SNRPC: variants seen among roughly 807,000 people sequenced by gnomAD.
The protein encoded by SNRPC is U1 small nuclear ribonucleoprotein C.
In SNRPC, 5 loss-of-function variants were observed where a neutral mutation model predicts 20.0. That is an observed-to-expected ratio of 0.25 (90% CI 0.13 to 0.53). The LOEUF (loss-of-function observed/expected upper bound fraction) is 0.53, where lower values mean the gene tolerates loss of function less well. SNRPC is among the 20% of genes least tolerant of loss of function. SNRPC has a pLI of 0.96. For missense variants in SNRPC, 112 were observed against 224.1 expected (o/e 0.50, Z 3.19); for synonymous variants, 61 against 58.7 (o/e 1.04, Z -0.18).
intron 3 of SNRPC, among the ~76,000 whole-genome samples, chr6:34,763,489 C>G (rs539966867): frequency 1.3e-5 from 2 of 151,896 alleles, no homozygotes; most frequent in East Asian, 3.9e-4. Flanking sequence ...GGAGACCATC[C>G]TGGCCAAATG....
intron 1 of SNRPC, 66 bp from the exon 2 acceptor site, chr6:34,757,846 C>G: frequency 6.2e-7 from 1 of 1,611,638 alleles, no homozygotes; most frequent in Non-Finnish European, 8.5e-7. Context: ...CTTCCATGAA[C>G]AGCGCTTCCG....
chr6:34,768,950 C>G (rs1162475865), intron 4 of SNRPC, among the ~76,000 whole-genome samples: 1 of 151,800 alleles, frequency 6.6e-6, no homozygotes, highest in Non-Finnish European at 1.5e-5. Context: ...CATTCAGGAC[C>G]TAGACTCAAT....
intron 1 of SNRPC, 158 bp from the exon 2 acceptor site, chr6:34,757,754 C>A: frequency 2.6e-6 from 4 of 1,552,406 alleles, no homozygotes; most frequent in Middle Eastern, 1.7e-4. Flanking sequence ...AAAAAAAAGC[C>A]TGGTTTATGT....
chr6:34,763,961 C>T (rs374759876), intron 3 of SNRPC, among the ~76,000 whole-genome samples: 24 of 150,092 alleles, frequency 1.6e-4, no homozygotes, highest in African/African-American at 3.9e-4. Context: ...GTGATCCACC[C>T]GCCTCGGCCT....
intron 4 of SNRPC, 61 bp from the exon 5 acceptor site, chr6:34,770,230 A>C (rs1764669381): frequency 4.0e-6 from 5 of 1,242,246 alleles, no homozygotes; most frequent in Non-Finnish European, 5.9e-6. Flanking sequence ...CTCAAAAAAA[A>C]AGAAGAGAAA....
At chr6:34,765,913 A>G (rs1764607715) in intron 3 of SNRPC, among the ~76,000 whole-genome samples, 1 of 149,570 alleles carries the variant, frequency 6.7e-6, no homozygotes, top group Admixed American at 6.7e-5. Context: ...TAATTTTGTA[A>G]AATTTTTTAT....
chr6:34,759,604 T>C (rs1179716177), intron 2 of SNRPC, among the ~76,000 whole-genome samples: 2 of 152,206 alleles, frequency 1.3e-5, no homozygotes, highest in African/African-American at 4.8e-5. Flanking sequence ...GGCTTTTTTT[T>C]CCCCCATGAG....
chr6:34,765,093 C>T (rs1370224060), intron 3 of SNRPC, among the ~76,000 whole-genome samples: 1 of 152,122 alleles, frequency 6.6e-6, no homozygotes, highest in Non-Finnish European at 1.5e-5. Flanking sequence ...CATTGCTCAG[C>T]TGTAGCACTC....
Position 34,762,588 on chromosome 6 carries a change from T to G in SNRPC, c.52-7T>G. On this transcript the variant is annotated splice_polypyrimidine_tract_variant and splice_region_variant and intron_variant, in intron 2 of 5. Transcript: ENST00000244520. ...TCTACGTCTGATATGATCTTTTTAT[T>G]TTACAGCCATCTGTGAGAAAGACAC... 1 of 1,465,708 alleles carries G rather than the reference T, an allele frequency of 6.8e-7. No individual in the cohort carries two copies. Among genetic ancestry groups the G allele is most frequent in the Non-Finnish European group, 9.6e-7 (1 of 1,047,098 alleles). 90.8% of individuals were successfully genotyped at this position (1,465,708 alleles called of 1,614,324 possible).
At chr6:34,770,240 A>T (rs1183580816) in intron 4 of SNRPC, 51 bp from the exon 5 acceptor site, 2 of 1,288,430 alleles carry the variant, frequency 1.6e-6, no homozygotes, top group Admixed American at 3.5e-5. Flanking sequence ...AAGAAGAGAA[A>T]ATGTTAATAT....
chr6:34,766,055 A>G (rs566557553), intron 3 of SNRPC, among the ~76,000 whole-genome samples: 46 of 152,040 alleles, frequency 3.0e-4, no homozygotes, highest in African/African-American at 1.0e-3. Flanking sequence ...GTCCCATTTC[A>G]TATGAAAAAA....
intron 5 of SNRPC, among the ~76,000 whole-genome samples, chr6:34,771,320 C>A (rs1764687516): frequency 8.2e-6 from 1 of 122,434 alleles, no homozygotes; most frequent in African/African-American, 3.5e-5. Context: ...CAGAGTGAGA[C>A]TGTGTCTCAA....
intron 2 of SNRPC, among the ~76,000 whole-genome samples, chr6:34,760,939 T>G (rs1209447189): frequency 6.6e-6 from 1 of 151,638 alleles, no homozygotes; most frequent in Non-Finnish European, 1.5e-5. Context: ...TCCCAGGTAC[T>G]TGGGAGGCTG....
chr6:34,761,397 CA>C, intron 2 of SNRPC, among the ~76,000 whole-genome samples: 1 of 152,048 alleles, frequency 6.6e-6, no homozygotes, highest in Admixed American at 6.6e-5. Context: ...TTTGGCCTCC[CA>C]AAGTGCTGGG....
At chr6:34,758,681 GC>G (rs959410505) in intron 2 of SNRPC, among the ~76,000 whole-genome samples, 1 of 152,076 alleles carries the variant, frequency 6.6e-6, no homozygotes, top group African/African-American at 2.4e-5. Context: ...CTTTTACCAT[GC>G]ATGATTTTGT....
At chr6:34,758,703 G>C (rs1486261356) in intron 2 of SNRPC, among the ~76,000 whole-genome samples, 1 of 152,074 alleles carries the variant, frequency 6.6e-6, no homozygotes, top group East Asian at 1.9e-4. Context: ...AATGTGCATT[G>C]GTTATTTGGA....
chr6:34,767,989 C>G lies in SNRPC; in HGVS notation c.242C>G (p.Pro81Arg). Residue 81 changes from proline (P) to arginine (R), a missense_variant, in exon 4 of 6, where the codon CCC becomes CGC. Physicochemically the swap from Pro to Arg is moderately radical, Grantham distance 103. Coordinates refer to ENST00000244520, the MANE Select transcript of SNRPC (RefSeq NM_003093.3). ...PPAGAMIPPP[P>R]SLPGPPRPGM... ...GCAGGGGCGATGATACCACCTCCCC[C>G]CAGCCTTCGTAAGTTTAAACTTTTA... 1.2e-6 allele frequency: 2 copies of G among 1,612,218 alleles called. No individual in the cohort carries two copies. Among genetic ancestry groups the G allele is most frequent in the Non-Finnish European group, 1.7e-6 (2 of 1,179,314 alleles).
chr6:34,763,395 C>T (rs1764562904), intron 3 of SNRPC, among the ~76,000 whole-genome samples: 1 of 151,996 alleles, frequency 6.6e-6, no homozygotes, highest in Admixed American at 6.6e-5. Context: ...TTTAAAAAAG[C>T]AGTAGGCCAG....
intron 2 of SNRPC, among the ~76,000 whole-genome samples, chr6:34,759,093 C>T (rs1196843643): frequency 6.6e-6 from 1 of 151,986 alleles, no homozygotes; most frequent in East Asian, 1.9e-4. Context: ...TCAGAACCAC[C>T]TTTAAGTATT....
Sources: gnomAD v4.1 joint callset for allele counts (sites outside exome capture counted in the v4.1 genomes callset) on GRCh38, gnomAD v4.1.1 for gene constraint, MANE v1.5 for transcripts, NCBI Gene and HGNC (gene_info 2026-07-23, HGNC 2026-07-21) for gene names.